The following FHOD3 variants were observed in gnomAD, a reference collection of about 807,000 sequenced individuals.
FHOD3 encodes the protein formin homology 2 domain containing 3.
A neutral mutation model predicts 173.0 loss-of-function variants in FHOD3; 90 were observed. The ratio of observed to expected loss-of-function variants is 0.52; its 90% CI spans 0.44 to 0.62. The LOEUF (loss-of-function observed/expected upper bound fraction) is 0.62, where lower values mean the gene tolerates loss of function less well. Among genes scored for constraint, FHOD3 ranks in the 20% least tolerant of loss-of-function variants. FHOD3 has a pLI of 0.00. For synonymous variants in FHOD3, 828 were observed against 823.0 expected, an observed-to-expected ratio of 1.01 and a Z score of -0.10; for missense variants, 1,945 against 2,034.7, an observed-to-expected ratio of 0.96 and a Z score of 0.85.
chr18:36,624,682 T>C (rs1481589970), intron 9 of FHOD3, among the ~76,000 whole-genome samples: 1 of 67,252 alleles, frequency 1.5e-5, no homozygotes, highest in Non-Finnish European at 3.7e-5. Flanking sequence ...AAAATATCCC[T>C]TGGAGAAAGG....
intron 14 of FHOD3, among the ~76,000 whole-genome samples, chr18:36,670,698 T>C (rs2037476546): frequency 6.6e-6 from 1 of 152,252 alleles, no homozygotes; most frequent in African/African-American, 2.4e-5. Flanking sequence ...TGATTATGGC[T>C]TGTATTTTTG....
rs746033370 is a variant in FHOD3 at position 36,602,725 on chromosome 18, T to A, written c.770T>A (p.Val257Asp). 6.2e-7 allele frequency: 1 copy of A among 1,613,934 alleles called. No individual in the cohort carries two copies. The highest frequency in any genetic ancestry group is 8.5e-7 in the Non-Finnish European group (1 of 1,180,012). The change falls in exon 8 of 29, where the codon GTT (valine) becomes GAT (aspartate). Residue 257 changes from valine (V) to aspartate (D), a missense_variant. Around this residue, in one of 5 missense-constraint regions of FHOD3, gnomAD observed 1,099 missense variants for 1,051.2 expected, o/e 1.05. Transcript: ENST00000590592. ...IMEILEEKDG[V>D]DTELLVYAMT... ...GAAATCCTGGAGGAAAAAGATGGAG[T>A]TGATACGGAGCTACTGGTTTATGCA...
At chr18:36,635,213 A>G (rs991105829) in intron 10 of FHOD3, among the ~76,000 whole-genome samples, 2 of 152,196 alleles carry the variant, frequency 1.3e-5, no homozygotes, top group Non-Finnish European at 2.9e-5. Flanking sequence ...GTTACTTTGC[A>G]ATGCTCCTGG....
chr18:36,354,882 G>A (rs1394266340), intron 1 of FHOD3, among the ~76,000 whole-genome samples: 1 of 152,064 alleles, frequency 6.6e-6, no homozygotes, highest in African/African-American at 2.4e-5. Context: ...GGGAGGCTGG[G>A]GCAGGAGAAT....
chr18:36,454,108 G>A (rs1599183430), intron 3 of FHOD3, among the ~76,000 whole-genome samples: 1 of 152,158 alleles, frequency 6.6e-6, no homozygotes, highest in Non-Finnish European at 1.5e-5. Context: ...CTCGGGCAGT[G>A]TTGTAATGCT....
At chr18:36,566,115 C>A (rs551395048) in intron 5 of FHOD3, among the ~76,000 whole-genome samples, 2 of 152,132 alleles carry the variant, frequency 1.3e-5, no homozygotes, top group East Asian at 1.9e-4. Context: ...TTACACAGAG[C>A]AGCAATATTT....
intron 10 of FHOD3, among the ~76,000 whole-genome samples, chr18:36,645,987 A>C (rs2035655530): frequency 6.6e-6 from 1 of 152,186 alleles, no homozygotes. Context: ...CAAACCTTAT[A>C]CTTTTCCCTG....
chr18:36,442,920 A>G (rs954688095), intron 3 of FHOD3, among the ~76,000 whole-genome samples: 3 of 152,228 alleles, frequency 2.0e-5, no homozygotes, highest in Admixed American at 6.5e-5. Context: ...TTATTTCATG[A>G]CCTTGACTCA....
At chr18:36,520,638 T>C (rs1238087652) in intron 5 of FHOD3, among the ~76,000 whole-genome samples, 1 of 152,260 alleles carries the variant, frequency 6.6e-6, no homozygotes, top group Non-Finnish European at 1.5e-5. Context: ...GGCAATGTCC[T>C]GCAATCATGC....
intron 1 of FHOD3, among the ~76,000 whole-genome samples, chr18:36,299,715 C>A: frequency 6.6e-6 from 1 of 152,180 alleles, no homozygotes; most frequent in East Asian, 1.9e-4. Context: ...AGAGCAGTTG[C>A]ACTGGCTTGC....
chr18:36,470,953 A>T (rs1252972989), intron 3 of FHOD3, among the ~76,000 whole-genome samples: 1 of 152,270 alleles, frequency 6.6e-6, no homozygotes, highest in African/African-American at 2.4e-5. Flanking sequence ...CTGGGACATG[A>T]TGGCACCTGT....
intron 5 of FHOD3, among the ~76,000 whole-genome samples, chr18:36,552,022 A>G (rs1352663428): frequency 6.6e-6 from 1 of 152,142 alleles, no homozygotes; most frequent in Non-Finnish European, 1.5e-5. Context: ...AGTTTTTCCC[A>G]ATTCTGTGAA....
Position 36,742,819 on chromosome 18 carries a change from C to T in FHOD3, c.3842C>T (p.Thr1281Ile). Reference protein sequence around the residue: ...NNKTLGFILSTLLAIGNFLNG... With the variant: ...NNKTLGFILSILLAIGNFLNG... Reference sequence around the variant, plus strand: ...AAAACCTTGGGCTTTATCCTGTCTACTCTCTTAGCCATTGGGAACTTTCTA... The same window carrying T: ...AAAACCTTGGGCTTTATCCTGTCTATTCTCTTAGCCATTGGGAACTTTCTA... Residue 1281 changes from threonine to isoleucine, a missense_variant, in exon 22 of 29, where the codon ACT (threonine) becomes ATT (isoleucine). Physicochemically the swap from Thr to Ile is moderately conservative, Grantham distance 89 (BLOSUM62 -1). This residue lies in a region of FHOD3 where 231 missense variants were observed against 321.9 expected (regional missense o/e 0.72). Coordinates refer to ENST00000590592, the MANE Select transcript of FHOD3 (RefSeq NM_001281740.3). 3.1e-6 allele frequency: 5 copies of T among 1,614,002 alleles called. No homozygotes were observed. The highest frequency in any genetic ancestry group is 3.4e-6 in the Non-Finnish European group (4 of 1,179,964).
rs536501169 is a variant in FHOD3, at chr18:36,711,468, G to A, written c.2533+2077G>A. 2.6e-5 allele frequency: 4 copies of A among 152,248 alleles called. No individual in the cohort carries two copies. The East Asian group carries it at 5.8e-4, about 22-fold the overall frequency. The allele number at this position is 152,248 out of a possible 1,614,324, so 9.4% of individuals were successfully genotyped here. A position where few individuals can be genotyped will look rare whatever the true frequency, so the allele number is the denominator to read the frequency against. On this transcript the variant is annotated intron_variant, in intron 18 of 28. Coordinates refer to ENST00000590592, the MANE Select transcript of FHOD3 (RefSeq NM_001281740.3). ...ATCATAACATACATTTTACTTTTTTGTAGTTACTTGCATAATTGTCCTTTG... is the reference window on the plus strand; with the variant it reads ...ATCATAACATACATTTTACTTTTTTATAGTTACTTGCATAATTGTCCTTTG...
At chr18:36,380,574 TTTC>T (rs2047713827) in intron 3 of FHOD3, among the ~76,000 whole-genome samples, 1 of 111,600 alleles carries the variant, frequency 9.0e-6, no homozygotes, top group African/African-American at 3.4e-5. Context: ...TTTCTTTTCT[TTTC>T]TTTTCCTTTC....
At chr18:36,455,673 T>C (rs1208881008) in intron 3 of FHOD3, among the ~76,000 whole-genome samples, 1 of 151,930 alleles carries the variant, frequency 6.6e-6, no homozygotes, top group African/African-American at 2.4e-5. Context: ...GTTAAAAATA[T>C]AAACCGTGCT....
chr18:36,701,687 T>C (rs955067778), intron 17 of FHOD3, among the ~76,000 whole-genome samples: 2 of 152,206 alleles, frequency 1.3e-5, no homozygotes, highest in African/African-American at 4.8e-5. Flanking sequence ...AATGTGAGTT[T>C]AGAGTTTACA....
intron 6 of FHOD3, among the ~76,000 whole-genome samples, chr18:36,583,347 G>T (rs553668306): frequency 3.0e-4 from 46 of 152,152 alleles, no homozygotes; most frequent in Non-Finnish European, 6.0e-4. Context: ...TCTACAAAAT[G>T]GGAGTGATAA....
At chr18:36,665,854 G>C (rs1568574078) in intron 14 of FHOD3, among the ~76,000 whole-genome samples, 2 of 152,344 alleles carry the variant, frequency 1.3e-5, no homozygotes, top group East Asian at 1.9e-4. Flanking sequence ...GCTTTGGGAA[G>C]CTTCCAGGAG....
Sources: allele counts gnomAD v4.1 joint callset (sites outside exome capture counted in the v4.1 genomes callset), GRCh38; gene constraint gnomAD v4.1.1; regional missense constraint gnomAD v4.1.1; transcripts MANE v1.5; gene names NCBI Gene and HGNC (gene_info 2026-07-23, HGNC 2026-07-21).